Variants in USP8 observed in about 807,000 individuals in gnomAD.
USP8 encodes the protein ubiquitin carboxyl-terminal hydrolase 8.
USP8 carries 27 observed loss-of-function variants against 130.0 expected under a neutral mutation model. The ratio of observed to expected loss-of-function variants is 0.21; its 90% confidence interval spans 0.15 to 0.29. The LOEUF (loss-of-function observed/expected upper bound fraction) is 0.29, where lower values mean the gene tolerates loss of function less well. USP8 is among the 10% of genes least tolerant of loss of function. USP8 has a pLI of 1.00. For synonymous variants in USP8, 392 were observed against 444.1 expected, an observed-to-expected ratio of 0.88 and a Z score of 1.48; for missense variants, 1,029 against 1,312.2, an observed-to-expected ratio of 0.78 and a Z score of 3.33.
intron 7 of USP8, 96 bp from the exon 8 acceptor site, chr15:50,471,537 G>C: frequency 7.4e-7 from 1 of 1,347,784 alleles, no homozygotes; most frequent in South Asian, 1.4e-5. Context: ...TTGCTATGGT[G>C]TGGTAAAGAC....
At chr15:50,461,676 A>G (rs2051011010) in intron 5 of USP8, among the ~76,000 whole-genome samples, 1 of 151,856 alleles carries the variant, frequency 6.6e-6, no homozygotes, top group Non-Finnish European at 1.5e-5. Context: ...AACATAGCAA[A>G]ACCCCATCTC....
At chr15:50,479,210 G>A (rs56176105) in intron 10 of USP8, among the ~76,000 whole-genome samples, 20,085 of 152,200 alleles carry the variant, frequency 0.13, 1,672 homozygotes, top group East Asian at 0.28. Context: ...AGAGCAAGGA[G>A]AATATTCTAG....
Position 50,513,179 on chromosome 15 carries a change from CT to C in USP8, c.*14094del, listed in dbSNP as rs1387608905. 3 of 152,098 alleles carry C rather than the reference CT, an allele frequency of 2.0e-5. No individual in the cohort carries two copies. Among genetic ancestry groups the C allele is most frequent in the Non-Finnish European group, 4.4e-5 (3 of 68,022 alleles). The allele number at this position is 152,098 out of a possible 1,614,324, so 9.4% of individuals were successfully genotyped here. On this transcript the variant is annotated 3_prime_UTR_variant, in exon 20 of 20. Transcript: ENST00000307179. ...TTGTAGAAAGTTAAATATGCACATA[CT>C]TTATGATCTAAGTGACCTCACTCCT... is the stretch of plus-strand genomic sequence containing the variant.
intron 1 of USP8, among the ~76,000 whole-genome samples, chr15:50,435,848 C>T (rs967087247): frequency 6.6e-6 from 1 of 152,138 alleles, no homozygotes; most frequent in Non-Finnish European, 1.5e-5. Flanking sequence ...CCTAGAAACC[C>T]TTCCTAAAAT....
chr15:50,466,566 G>T (rs2051195384), intron 7 of USP8, among the ~76,000 whole-genome samples: 1 of 150,630 alleles, frequency 6.6e-6, no homozygotes, highest in Non-Finnish European at 1.5e-5. Flanking sequence ...CTGCACTCCA[G>T]CCTGGGCTAC....
Position 50,508,523 on chromosome 15 carries a change from G to A in USP8, c.*9435G>A, listed in dbSNP as rs1245159113. On this transcript the variant is annotated 3_prime_UTR_variant, in exon 20 of 20. Transcript: ENST00000307179. Reference sequence around the variant, plus strand: ...TAGTTTTAAATACTTATATCTTAAAGGATAGACTGAGTGTTAATACACTGG... The same window carrying A: ...TAGTTTTAAATACTTATATCTTAAAAGATAGACTGAGTGTTAATACACTGG... 6.6e-6 allele frequency: 1 copy of A among 152,100 alleles called. No homozygotes were observed. Among genetic ancestry groups the A allele is most frequent in the East Asian group, 1.9e-4 (1 of 5,198 alleles). 9.4% of individuals were successfully genotyped at this position (152,100 alleles called of 1,614,324 possible).
intron 11 of USP8, among the ~76,000 whole-genome samples, chr15:50,483,153 A>C (rs767363078): frequency 6.6e-6 from 1 of 152,244 alleles, no homozygotes; most frequent in Non-Finnish European, 1.5e-5. Context: ...ACCCCTAATG[A>C]TAACCCCATA....
At chr15:50,455,404 T>A (rs1465829620) in intron 4 of USP8, among the ~76,000 whole-genome samples, 17 of 143,596 alleles carry the variant, frequency 1.2e-4, no homozygotes, top group African/African-American at 3.2e-4. Context: ...GTGTGGTTCT[T>A]TTTTATAGCG....
At chr15:50,492,679 T>C in intron 14 of USP8, 22 bp from the exon 15 acceptor site, 5 of 1,608,536 alleles carry the variant, frequency 3.1e-6, no homozygotes, top group Non-Finnish European at 4.2e-6. Flanking sequence ...TTAAGACATC[T>C]TGTATCCTTT....
intron 7 of USP8, among the ~76,000 whole-genome samples, chr15:50,468,847 A>C (rs1228146053): frequency 6.6e-6 from 1 of 152,114 alleles, no homozygotes; most frequent in African/African-American, 2.4e-5. Context: ...GTCTAGCCCA[A>C]TGAATTTTCA....
At chr15:50,444,093 G>T (rs2050343417) in intron 3 of USP8, among the ~76,000 whole-genome samples, 1 of 145,804 alleles carries the variant, frequency 6.9e-6, no homozygotes, top group Admixed American at 7.4e-5. Context: ...TGTTTGTGTG[G>T]TAGGTTTTTT....
At position 50,489,776 on chromosome 15, in the gene USP8, AT is replaced by A. The variant is rs534183826; in HGVS notation, c.1891-17del. 1.6e-5 allele frequency: 22 copies of A among 1,392,434 alleles called. No homozygotes were observed. The South Asian group carries it at 1.6e-4, about 10-fold the overall frequency. The allele number at this position is 1,392,434 out of a possible 1,614,324, so 86.3% of individuals were successfully genotyped here. ...CAGATTTAAAAAAAATTTTTTTTTA[AT>A]TTTTTTTATTTTATTTTAATTAGGC... On this transcript the variant is annotated intron_variant, in intron 12 of 19. Coordinates refer to ENST00000307179, the MANE Select transcript of USP8 (RefSeq NM_005154.5).
At chr15:50,427,328 T>A (rs2049770353) in intron 1 of USP8, among the ~76,000 whole-genome samples, 1 of 152,174 alleles carries the variant, frequency 6.6e-6, no homozygotes, top group African/African-American at 2.4e-5. Context: ...ACTTGATACC[T>A]ATGGTCACCC....
chr15:50,501,193 C>T lies in USP8; in HGVS notation c.*2105C>T. Reference sequence around the variant, plus strand: ...AGATAATTCAGGCCGGGCACAGTGGCTCACACCTGTAATCCCAACACTCTG... The same window carrying T: ...AGATAATTCAGGCCGGGCACAGTGGTTCACACCTGTAATCCCAACACTCTG... On this transcript the variant is annotated 3_prime_UTR_variant, in exon 20 of 20. Coordinates refer to ENST00000307179, the MANE Select transcript of USP8 (RefSeq NM_005154.5). The T allele has an allele frequency of 4.6e-6, 1 of 215,276 alleles. No individual in the cohort carries two copies. Among genetic ancestry groups the T allele is most frequent in the Non-Finnish European group, 9.6e-6 (1 of 104,398 alleles). 13.3% of individuals were successfully genotyped at this position (215,276 alleles called of 1,614,324 possible).
intron 12 of USP8, 39 bp downstream of exon 12, chr15:50,484,400 C>G (rs1399038046): frequency 6.8e-7 from 1 of 1,472,806 alleles, no homozygotes; most frequent in East Asian, 2.3e-5. Flanking sequence ...GAAAAAAAAG[C>G]CAAACATGGA....
chr15:50,487,079 A>C (rs1285437776), intron 12 of USP8, among the ~76,000 whole-genome samples: 1 of 151,836 alleles, frequency 6.6e-6, no homozygotes, highest in African/African-American at 2.4e-5. Flanking sequence ...AGCCTAGATC[A>C]CGCTACTGCA....
Position 50,500,707 on chromosome 15 carries a change from T to C in USP8, c.*1619T>C, listed in dbSNP as rs2052567924. On this transcript the variant is annotated 3_prime_UTR_variant, in exon 20 of 20. Transcript: ENST00000307179. ...GGGCTGGCAGCTATAGAACAGGAGA[T>C]CCATAGCATTTTGAACAGAAGTATC... 2 of 1,471,518 alleles carry C rather than the reference T, an allele frequency of 1.4e-6. No homozygotes were observed. The highest frequency in any genetic ancestry group is 3.9e-5 in the Admixed American group (2 of 50,932). The allele number at this position is 1,471,518 out of a possible 1,614,324, so 91.2% of individuals were successfully genotyped here. A position where few individuals can be genotyped will look rare whatever the true frequency, so the allele number is the denominator to read the frequency against.
intron 13 of USP8, 94 bp downstream of exon 13, chr15:50,489,975 C>T: frequency 1.9e-6 from 2 of 1,066,476 alleles, no homozygotes; most frequent in Non-Finnish European, 1.3e-6. Flanking sequence ...GAGTCAATTC[C>T]ATTTCTCCAT....
chr15:50,463,596 G>A (rs988568127), intron 6 of USP8: 1 of 152,156 alleles, frequency 6.6e-6, no homozygotes, highest in African/African-American at 2.4e-5. Context: ...TTCATTCCAA[G>A]ATTAGTTTTT....
Sources: allele counts gnomAD v4.1 joint callset (sites outside exome capture counted in the v4.1 genomes callset), GRCh38; gene constraint gnomAD v4.1.1; transcripts MANE v1.5; gene names NCBI Gene and HGNC (gene_info 2026-07-23, HGNC 2026-07-21).